Variants in SPEN observed in about 807,000 individuals in gnomAD.
SPEN encodes msx2-interacting protein.
In SPEN, 18 loss-of-function variants were observed where a neutral mutation model predicts 269.9. The ratio of observed to expected loss-of-function variants is 0.07; its 90% CI spans 0.05 to 0.10. SPEN has a LOEUF of 0.10. Among genes scored for constraint, SPEN ranks in the 10% least tolerant of loss-of-function variants. The pLI, the probability that SPEN is intolerant of heterozygous loss-of-function variation, is 1.00. For synonymous variants in SPEN, 1,726 were observed against 1,765.7 expected, an observed-to-expected ratio of 0.98 and a Z score of 0.56; for missense variants, 3,822 against 4,631.2, an observed-to-expected ratio of 0.83 and a Z score of 5.07.
intron 1 of SPEN, among the ~76,000 whole-genome samples, chr1:15,861,856 A>G (rs1048647763): frequency 2.2e-4 from 33 of 152,248 alleles, no homozygotes; most frequent in Non-Finnish European, 1.8e-4. Context: ...CCTGGTCAAT[A>G]TGGTGAAACC....
Position 15,933,860 on chromosome 1 carries a change from C to G in SPEN, c.7620C>G (p.Asp2540Glu). The change falls in exon 11 of 15, where the codon GAC becomes GAG. Residue 2540 changes from aspartate (D) to glutamate (E), a missense_variant. By Grantham distance (45) the Asp-to-Glu change is conservative. This residue lies in a region of SPEN where 727 missense variants were observed against 737.9 expected (regional missense o/e 0.99). Transcript: ENST00000375759. The surrounding 1 kb of genome is among the most constrained non-coding windows in gnomAD (Gnocchi z 5.7). The part of the protein sequence containing the change: ...SSSTLRKILM[D>E]PKYVSATSVT... ...GCACCCTGAGGAAGATTCTCATGGA[C>G]CCCAAGTATGTGTCTGCCACAAGTG... is the stretch of plus-strand genomic sequence containing the variant. 3 of 1,613,660 alleles carry G rather than the reference C, an allele frequency of 1.9e-6. No individual in the cohort carries two copies. The highest frequency in any genetic ancestry group is 2.5e-6 in the Non-Finnish European group (3 of 1,180,046).
At chr1:15,905,929 T>A (rs1415832649) in intron 3 of SPEN, among the ~76,000 whole-genome samples, 3 of 152,240 alleles carry the variant, frequency 2.0e-5, no homozygotes, top group Non-Finnish European at 2.9e-5. Context: ...TGTTTACTTC[T>A]GTAACCACTG....
Position 15,938,908 on chromosome 1 carries a change from A to G in SPEN, c.10863+32A>G, listed in dbSNP as rs115404746. 1.5e-3 allele frequency: 2,429 copies of G among 1,605,280 alleles called. 2 individuals carry two copies. The highest frequency in any genetic ancestry group is 1.8e-3 in the Non-Finnish European group (2,086 of 1,175,528). On this transcript the variant is annotated intron_variant, in intron 14 of 14. Transcript: ENST00000375759. The stretch of plus-strand genomic sequence containing the variant: ...TGTCCTGTGTCCTTCCTTCACATGT[A>G]CACCCACAGGTGGGGCTGATCAGGG...
In SPEN at chr1:15,892,012, C is replaced by CTTTTTTTTT. The variant is rs71003216; in HGVS notation, c.881+15351_881+15359dup. Among the ~76,000 whole-genome samples the CTTTTTTTTT allele has an allele frequency of 5.4e-4, 40 of 74,578 alleles. 1 individual carries two copies. The highest frequency in any genetic ancestry group is 2.1e-3 in the African/African-American group (38 of 17,986). 48.9% of individuals were successfully genotyped at this position (74,578 alleles called of 152,430 possible). A position where few individuals can be genotyped will look rare whatever the true frequency, so the allele number is the denominator to read the frequency against. ...CATTAATTACATCTGTTTCTTTTTA[C>CTTTTTTTTT]TTTTTTTTTTTTTTTTTTTTTTTTT... On this transcript the variant is annotated intron_variant, in intron 3 of 14. Coordinates refer to ENST00000375759, the MANE Select transcript of SPEN (RefSeq NM_015001.3).
chr1:15,925,097 T>C (rs2071153840), intron 10 of SPEN, among the ~76,000 whole-genome samples: 1 of 152,230 alleles, frequency 6.6e-6, no homozygotes, highest in African/African-American at 2.4e-5. Flanking sequence ...GCTTTCCCAT[T>C]TTCCAATAGT....
chr1:15,927,378 T>C (rs1190113272), intron 10 of SPEN, among the ~76,000 whole-genome samples: 6 of 152,196 alleles, frequency 3.9e-5, no homozygotes, highest in African/African-American at 1.4e-4. Flanking sequence ...TTAACAGCTT[T>C]ATGAGGAAAA....
chr1:15,878,683 C>G (rs2148712995), intron 3 of SPEN, among the ~76,000 whole-genome samples: 1 of 152,300 alleles, frequency 6.6e-6, no homozygotes. Context: ...AAAGCTGCAT[C>G]TGCATTCCAC....
chr1:15,871,924 T>A (rs1015580798), intron 1 of SPEN, among the ~76,000 whole-genome samples: 1 of 152,130 alleles, frequency 6.6e-6, no homozygotes, highest in Non-Finnish European at 1.5e-5. Context: ...TATAAATATT[T>A]GTAAAAACTT....
At position 15,935,823 on chromosome 1, in the gene SPEN, G is replaced by A. The variant is rs764732595; in HGVS notation, c.9583G>A (p.Val3195Met). The A allele has an allele frequency of 6.2e-7, 1 of 1,613,898 alleles. No homozygotes were observed. Among genetic ancestry groups the A allele is most frequent in the Non-Finnish European group, 8.5e-7 (1 of 1,180,010 alleles). Residue 3195 changes from valine to methionine, a missense_variant, in exon 11 of 15, where the codon GTG becomes ATG. Physicochemically the swap from Val to Met is conservative, Grantham distance 21. Around this residue, in one of 16 missense-constraint regions of SPEN, gnomAD observed 153 missense variants for 228.5 expected, o/e 0.67. Coordinates refer to ENST00000375759, the MANE Select transcript of SPEN (RefSeq NM_015001.3). The surrounding 1 kb of genome is among the most constrained non-coding windows in gnomAD (Gnocchi z 7.7). Reference sequence around the variant, plus strand: ...GCACCCCTATACTGTGCCACGGGATGTGAGGATCATGGTGCATCCACATGT... The same window carrying A: ...GCACCCCTATACTGTGCCACGGGATATGAGGATCATGGTGCATCCACATGT... ...RLHPYTVPRDVRIMVHPHVTA... is the reference protein window; with the variant it reads ...RLHPYTVPRDMRIMVHPHVTA...
intron 3 of SPEN, among the ~76,000 whole-genome samples, chr1:15,878,580 A>G (rs2070655292): frequency 2.6e-5 from 4 of 152,232 alleles, no homozygotes; most frequent in African/African-American, 9.6e-5. Flanking sequence ...AACCCTATAA[A>G]CTAATTATAA....
At chr1:15,853,485 CTATTTT>C (rs1225701405) in intron 1 of SPEN, among the ~76,000 whole-genome samples, 3 of 148,528 alleles carry the variant, frequency 2.0e-5, no homozygotes, top group Admixed American at 6.8e-5. Context: ...CTGTGCTGGC[CTATTTT>C]TATTTTTATT....
rs773726905 is a variant in SPEN at position 15,934,878 on chromosome 1, G to A, written c.8638G>A (p.Val2880Met). Residue 2880 changes from valine (V) to methionine (M), a missense_variant, in exon 11 of 15, where the codon GTG (valine) becomes ATG (methionine). Around this residue, in one of 16 missense-constraint regions of SPEN, gnomAD observed 329 missense variants for 431.2 expected, o/e 0.76. Transcript: ENST00000375759. The surrounding 1 kb of genome is among the most constrained non-coding windows in gnomAD (Gnocchi z 9.2). The part of the protein sequence containing the change: ...GPQAPAGYAN[V>M]ATHSTLVLTA... ...TCAAGCTCCTGCAGGCTATGCGAAC[G>A]TGGCCACCCATTCCACGTTGGTACT... 3.7e-6 allele frequency: 6 copies of A among 1,614,114 alleles called. No homozygotes were observed. The highest frequency in any genetic ancestry group is 2.2e-5 in the South Asian group (2 of 91,084).
Position 15,904,452 on chromosome 1 carries a change from CA to C in SPEN, c.882-4844del, listed in dbSNP as rs1215369183. ...GGGCAATAAGAGCGAAACTCCATCT[CA>C]AAAAAAAAAAAAAAAAAAAAAAAAG... is the stretch of plus-strand genomic sequence containing the variant. On this transcript the variant is annotated intron_variant, in intron 3 of 14. Coordinates refer to ENST00000375759, the MANE Select transcript of SPEN (RefSeq NM_015001.3). 3.0e-3 allele frequency among the ~76,000 whole-genome samples: 148 copies of C among 48,630 alleles called. 2 individuals carry two copies. The South Asian group carries it at 0.036, about 12-fold the overall frequency. 31.9% of individuals were successfully genotyped at this position (48,630 alleles called of 152,430 possible).
Position 15,929,931 on chromosome 1 carries a change from G to C in SPEN, c.3691G>C (p.Asp1231His), listed in dbSNP as rs1204093039. 1 of 1,614,142 alleles carries C rather than the reference G, an allele frequency of 6.2e-7. No individual in the cohort carries two copies. ...TCCTCCTAGCAAAAAGAAAAGGATGGATCATGTCGATTTTGATATCTGCAC... is the reference window on the plus strand; with the variant it reads ...TCCTCCTAGCAAAAAGAAAAGGATGCATCATGTCGATTTTGATATCTGCAC... ...DSPPSKKKRMDHVDFDICTKR... is the reference protein window; with the variant it reads ...DSPPSKKKRMHHVDFDICTKR... The change falls in exon 11 of 15, where the codon GAT (aspartate) becomes CAT (histidine). Residue 1231 changes from aspartate to histidine, a missense_variant. Physicochemically the swap from Asp to His is moderately conservative, Grantham distance 81. Coordinates refer to ENST00000375759, the MANE Select transcript of SPEN (RefSeq NM_015001.3). The surrounding 1 kb of genome is among the most constrained non-coding windows in gnomAD (Gnocchi z 5.8).
intron 1 of SPEN, among the ~76,000 whole-genome samples, chr1:15,854,869 A>G (rs983655182): frequency 6.6e-6 from 1 of 152,090 alleles, no homozygotes; most frequent in African/African-American, 2.4e-5. Context: ...TTTGGATATA[A>G]TTTTAAAGTA....
intron 5 of SPEN, among the ~76,000 whole-genome samples, chr1:15,913,871 A>G (rs191341371): frequency 6.6e-6 from 1 of 152,166 alleles, no homozygotes; most frequent in African/African-American, 2.4e-5. Context: ...GGGGAGAAAA[A>G]AAGAAAGAAA....
chr1:15,869,580 GTATT>G lies in SPEN; in HGVS notation c.84-3204_84-3201del, dbSNP rs139016154. On this transcript the variant is annotated intron_variant, in intron 1 of 14. Coordinates refer to ENST00000375759, the MANE Select transcript of SPEN (RefSeq NM_015001.3). ...AGCACAAACATTTATTGTCTCTACT[GTATT>G]TATTTATTTATTTATTTATTTATTT... 2.2e-3 allele frequency among the ~76,000 whole-genome samples: 323 copies of G among 146,078 alleles called. 3 individuals carry two copies. The highest frequency in any genetic ancestry group is 5.0e-3 in the African/African-American group (200 of 39,648).
intron 1 of SPEN, among the ~76,000 whole-genome samples, chr1:15,863,074 T>C (rs917237532): frequency 2.0e-5 from 3 of 152,086 alleles, no homozygotes; most frequent in African/African-American, 7.2e-5. Context: ...TCCCAGCACT[T>C]TTCCCATTCT....
chr1:15,876,772 A>G (rs2070635113), intron 3 of SPEN, 94 bp downstream of exon 3: 1 of 974,322 alleles, frequency 1.0e-6, no homozygotes, highest in African/African-American at 1.6e-5. Flanking sequence ...ATTATTTTTT[A>G]AAGTAATCTT....
Sources: gnomAD v4.1 joint callset for allele counts (sites outside exome capture counted in the v4.1 genomes callset) on GRCh38, gnomAD v4.1.1 for gene constraint, gnomAD v4.1.1 regional missense constraint, Gnocchi (gnomAD v3.1) non-coding constraint, MANE v1.5 for transcripts, NCBI Gene and HGNC (gene_info 2026-07-23, HGNC 2026-07-21) for gene names.